Variants in ALPK2 observed in about 807,000 individuals in gnomAD.
ALPK2 encodes alpha-protein kinase 2.
ALPK2 carries 127 observed loss-of-function variants against 163.1 expected under a neutral mutation model. That is an observed-to-expected ratio of 0.78 (90% CI 0.67 to 0.90). ALPK2 has a LOEUF of 0.90. Among genes scored for constraint, ALPK2 ranks in the 40% least tolerant of loss-of-function variants. The probability of loss-of-function intolerance (pLI) is 0.00; values close to 1 mark genes in which losing one functional copy is unlikely to be tolerated. For synonymous variants in ALPK2, 953 were observed against 959.1 expected (o/e 0.99, Z 0.12); for missense variants, 2,360 against 2,589.6 (o/e 0.91, Z 1.92).
chr18:58,596,654 A>G (rs1339171580), intron 3 of ALPK2, among the ~76,000 whole-genome samples: 2 of 152,216 alleles, frequency 1.3e-5, no homozygotes, highest in African/African-American at 4.8e-5. Context: ...CTAAGGATTC[A>G]GCAACAGAGC....
chr18:58,523,866 G>A, intron 7 of ALPK2, 25 bp from the exon 8 acceptor site: 3 of 1,614,202 alleles, frequency 1.9e-6, no homozygotes, highest in Non-Finnish European at 2.5e-6. Context: ...AGCAGAGAAT[G>A]GCTTCAGTAC....
chr18:58,516,829 C>CCTG, intron 9 of ALPK2, 79 bp downstream of exon 9: 1 of 1,499,598 alleles, frequency 6.7e-7, no homozygotes, highest in Non-Finnish European at 9.2e-7. Context: ...TCCCATCAAT[C>CCTG]CTGAGTCTGA....
chr18:58,564,120 G>GTTTTTTTTTTTT (rs1555672429), intron 4 of ALPK2, among the ~76,000 whole-genome samples: 24 of 42,792 alleles, frequency 5.6e-4, no homozygotes, highest in African/African-American at 1.2e-3. Flanking sequence ...TGATGTCTTT[G>GTTTTTTTTTTTT]TTCTTTTTTT....
chr18:58,485,630 A>G (rs775342643), intron 12 of ALPK2, among the ~76,000 whole-genome samples: 14 of 152,250 alleles, frequency 9.2e-5, no homozygotes, highest in Non-Finnish European at 1.6e-4. Context: ...TCTACTGCTA[A>G]TGGTATCATT....
intron 8 of ALPK2, among the ~76,000 whole-genome samples, chr18:58,518,311 CG>C (rs2051533054): frequency 6.6e-6 from 1 of 152,054 alleles, no homozygotes; most frequent in Admixed American, 6.6e-5. Context: ...CTATTCTGAT[CG>C]GGTATTGATT....
chr18:58,587,268 A>G (rs2051992291), intron 3 of ALPK2, among the ~76,000 whole-genome samples: 1 of 152,238 alleles, frequency 6.6e-6, no homozygotes, highest in East Asian at 1.9e-4. Flanking sequence ...GTCACTAAGC[A>G]AGCAAACAAC....
Position 58,517,102 on chromosome 18 carries a change from C to T in ALPK2, c.5746G>A (p.Gly1916Ser), listed in dbSNP as rs2051526209. 1 of 1,614,114 alleles carries T rather than the reference C, an allele frequency of 6.2e-7. No individual in the cohort carries two copies. The highest frequency in any genetic ancestry group is 8.5e-7 in the Non-Finnish European group (1 of 1,180,050). Residue 1916 changes from glycine to serine, a missense_variant, in exon 9 of 13, where the codon GGT becomes AGT. By Grantham distance (56) the Gly-to-Ser change is moderately conservative. Transcript: ENST00000361673. ...HDSYFGGRLR[G>S]QIATEELHFG... is the part of the protein sequence containing the mutation. The stretch of plus-strand genomic sequence containing the variant: ...TGCAGCTCCTCCGTGGCGATCTGAC[C>T]ACGCAGGCGGCCCCCAAAGTAGCTG...
intron 4 of ALPK2, among the ~76,000 whole-genome samples, chr18:58,540,461 T>A (rs944867799): frequency 5.3e-5 from 8 of 152,214 alleles, no homozygotes; most frequent in South Asian, 2.1e-4. Flanking sequence ...GGTATTTTTT[T>A]AAAAGAGTTT....
chr18:58,545,421 G>C (rs1296405238), intron 4 of ALPK2, among the ~76,000 whole-genome samples: 25 of 152,242 alleles, frequency 1.6e-4, no homozygotes, highest in Non-Finnish European at 5.9e-5. Flanking sequence ...AGGGGACAGT[G>C]TCCCGTAGAG....
intron 4 of ALPK2, among the ~76,000 whole-genome samples, chr18:58,563,229 T>G (rs2051834243): frequency 6.6e-6 from 1 of 152,250 alleles, no homozygotes; most frequent in South Asian, 2.1e-4. Context: ...ACTTTCAATA[T>G]CTGCTCATGA....
chr18:58,568,567 T>G (rs998284111), intron 4 of ALPK2, among the ~76,000 whole-genome samples: 3 of 152,032 alleles, frequency 2.0e-5, no homozygotes, highest in African/African-American at 7.2e-5. Flanking sequence ...ACCTCCGGGG[T>G]GGGGCTTGTA....
In ALPK2 at chr18:58,628,979, G is replaced by C; in HGVS notation, c.-236C>G. 6.6e-6 allele frequency: 1 copy of C among 152,240 alleles called. No individual in the cohort carries two copies. The highest frequency in any genetic ancestry group is 2.4e-5 in the African/African-American group (1 of 41,450). The allele number at this position is 152,240 out of a possible 1,614,324, so 9.4% of individuals were successfully genotyped here. On this transcript the variant is annotated 5_prime_UTR_variant, in exon 1 of 13. Transcript: ENST00000361673. ...TCCTAAGAGGGGAAATTCCATGCCC[G>C]GGGAAGTTCTGGAAGAAGAGCATTT...
At chr18:58,589,752 A>G (rs948535616) in intron 3 of ALPK2, among the ~76,000 whole-genome samples, 3 of 152,202 alleles carry the variant, frequency 2.0e-5, no homozygotes, top group Non-Finnish European at 4.4e-5. Context: ...TAAAAATAAA[A>G]TCAGTAATCT....
At chr18:58,610,646 A>G (rs1232754652) in intron 2 of ALPK2, among the ~76,000 whole-genome samples, 1 of 152,178 alleles carries the variant, frequency 6.6e-6, no homozygotes, top group Non-Finnish European at 1.5e-5. Context: ...AGCCAGTTTT[A>G]AGATATCAAT....
intron 4 of ALPK2, among the ~76,000 whole-genome samples, chr18:58,565,753 TCC>T (rs1426583338): frequency 6.8e-6 from 1 of 146,762 alleles, no homozygotes; most frequent in African/African-American, 2.5e-5. Flanking sequence ...CTTCCTTCCT[TCC>T]TTCCTTCCTT....
intron 4 of ALPK2, among the ~76,000 whole-genome samples, chr18:58,539,818 C>G (rs2051681142): frequency 6.6e-6 from 1 of 152,140 alleles, no homozygotes; most frequent in Non-Finnish European, 1.5e-5. Flanking sequence ...TATGTACTGC[C>G]CGTGGGAAGC....
intron 3 of ALPK2, among the ~76,000 whole-genome samples, chr18:58,597,197 G>C (rs974278462): frequency 2.6e-5 from 4 of 152,158 alleles, no homozygotes; most frequent in African/African-American, 9.7e-5. Context: ...GGCTGAGGCA[G>C]GAGAATTGCT....
At chr18:58,530,910 G>A (rs749082515) in intron 5 of ALPK2, among the ~76,000 whole-genome samples, 5 of 152,144 alleles carry the variant, frequency 3.3e-5, no homozygotes, top group Admixed American at 3.3e-4. Flanking sequence ...CATCAAAAAC[G>A]ATTACTCAGG....
chr18:58,488,866 A>G (rs763428188), intron 12 of ALPK2, among the ~76,000 whole-genome samples: 11 of 152,230 alleles, frequency 7.2e-5, no homozygotes, highest in Non-Finnish European at 1.6e-4. Flanking sequence ...AGGGAGGGAC[A>G]TGGGGAGCCT....
Sources: gnomAD v4.1 joint callset for allele counts (sites outside exome capture counted in the v4.1 genomes callset) on GRCh38, gnomAD v4.1.1 for gene constraint, MANE v1.5 for transcripts, NCBI Gene and HGNC (gene_info 2026-07-23, HGNC 2026-07-21) for gene names.